Variants in NSUN2 observed in about 807,000 individuals in gnomAD.
The protein encoded by NSUN2 is NOP2/Sun RNA methyltransferase 2.
Under a neutral mutation model 92.7 loss-of-function variants are expected in NSUN2, and 63 were observed. The observed-to-expected ratio is 0.68, with a 90% confidence interval of 0.56 to 0.84. The LOEUF is 0.84. Among genes scored for constraint, NSUN2 ranks in the 40% least tolerant of loss-of-function variants. The probability of loss-of-function intolerance (pLI) is 0.00; values close to 1 mark genes in which losing one functional copy is unlikely to be tolerated. For missense variants in NSUN2, 989 were observed against 964.9 expected, an observed-to-expected ratio of 1.02 and a Z score of -0.33; for synonymous variants, 356 against 348.3, an observed-to-expected ratio of 1.02 and a Z score of -0.25.
intron 6 of NSUN2, chr5:6,621,177 A>G (rs1430088214): frequency 1.3e-5 from 2 of 152,146 alleles, no homozygotes; most frequent in African/African-American, 4.8e-5. Flanking sequence ...TGGTGTCACT[A>G]TAACAGCTAA....
chr5:6,609,876 C>A lies in NSUN2; in HGVS notation c.1273G>T (p.Ala425Ser). 6.2e-7 allele frequency: 1 copy of A among 1,613,608 alleles called. No homozygotes were observed. Among genetic ancestry groups the A allele is most frequent in the Non-Finnish European group, 8.5e-7 (1 of 1,179,804 alleles). The stretch of plus-strand genomic sequence containing the variant: ...ATTGAAGATTTTTTCACCAATACTG[C>A]CACAAAAAACCCTCCAGTATTCTGA... ...HHQNTGGFFVAVLVKKSSMPW... is the reference protein window; with the variant it reads ...HHQNTGGFFVSVLVKKSSMPW... The change falls in exon 12 of 19, where the codon GCA becomes TCA. Residue 425 changes from alanine (A) to serine (S), a missense_variant. Ala to Ser is a moderately conservative substitution (Grantham distance 99). Coordinates refer to ENST00000264670, the MANE Select transcript of NSUN2 (RefSeq NM_017755.6).
At chr5:6,603,667 G>T (rs969468846) in intron 17 of NSUN2, among the ~76,000 whole-genome samples, 1 of 152,196 alleles carries the variant, frequency 6.6e-6, no homozygotes, top group Non-Finnish European at 1.5e-5. Context: ...TCCAGCCTGG[G>T]TGACAGAGCG....
chr5:6,600,234 T>C lies in NSUN2; in HGVS notation c.1998-2A>G. 1 of 1,610,398 alleles carries C rather than the reference T, an allele frequency of 6.2e-7. No individual in the cohort carries two copies. Among genetic ancestry groups the C allele is most frequent in the Non-Finnish European group, 8.5e-7 (1 of 1,177,298 alleles). ...GGACACTGCAGAGCGTCTGGATTCC[T>C]ACAAGTGAAAGTGGCTTCATGTAGA... On this transcript the variant is annotated splice_acceptor_variant, in intron 18 of 18. Coordinates refer to ENST00000264670, the MANE Select transcript of NSUN2 (RefSeq NM_017755.6). LOFTEE classifies it high-confidence loss of function.
intron 14 of NSUN2, among the ~76,000 whole-genome samples, chr5:6,606,472 A>G (rs993015309): frequency 4.6e-5 from 7 of 152,164 alleles, no homozygotes; most frequent in Admixed American, 6.5e-5. Flanking sequence ...TTTTTAGTAG[A>G]GACGGGGTTT....
intron 9 of NSUN2, among the ~76,000 whole-genome samples, chr5:6,616,244 A>G (rs1314760140): frequency 1.3e-5 from 2 of 152,268 alleles, no homozygotes; most frequent in Non-Finnish European, 2.9e-5. Context: ...AAAAAGTGGA[A>G]GAAACCCAGA....
rs137864923 is a variant in NSUN2, at chr5:6,601,009, T to C, written c.1998-777A>G. Among the ~76,000 whole-genome samples, 7 of 151,662 alleles carry C rather than the reference T, an allele frequency of 4.6e-5. No homozygotes were observed. The East Asian group carries it at 5.8e-4, about 13-fold the overall frequency. ...CCTGCACACGCCCTCTCTCAACTTATCTGATTTCTTTCATACGGGACTCTG... is the reference window on the plus strand; with the variant it reads ...CCTGCACACGCCCTCTCTCAACTTACCTGATTTCTTTCATACGGGACTCTG... On this transcript the variant is annotated intron_variant, in intron 18 of 18. Coordinates refer to ENST00000264670, the MANE Select transcript of NSUN2 (RefSeq NM_017755.6).
Position 6,612,782 on chromosome 5 carries a change from A to G in NSUN2, c.1022-984T>C, listed in dbSNP as rs111987988. On this transcript the variant is annotated intron_variant, in intron 9 of 18. Transcript: ENST00000264670. ...GGCAAACATGCGGGCTTCTCCATCA[A>G]ACACTGTCCAGGGGCTTCACAGATG... Among the ~76,000 whole-genome samples, 1,266 of 152,274 alleles carry G rather than the reference A, an allele frequency of 8.3e-3. 6 individuals are homozygous for G. The highest frequency in any genetic ancestry group is 0.012 in the Non-Finnish European group (790 of 68,020).
At chr5:6,603,996 C>T in intron 17 of NSUN2, 142 bp downstream of exon 17, 1 of 756,776 alleles carries the variant, frequency 1.3e-6, no homozygotes, top group South Asian at 1.8e-5. Context: ...CAGGGATCTA[C>T]AGAACCCTCT....
chr5:6,622,157 T>TAA, intron 5 of NSUN2, 57 bp from the exon 6 acceptor site: 1 of 1,360,438 alleles, frequency 7.4e-7, no homozygotes, highest in East Asian at 2.3e-5. Flanking sequence ...ATTCTACATT[T>TAA]AATTTAAAGC....
intron 9 of NSUN2, 31 bp downstream of exon 9, chr5:6,616,696 T>C: frequency 1.6e-6 from 2 of 1,262,644 alleles, no homozygotes; most frequent in Non-Finnish European, 2.0e-6. Context: ...CCCCCTATGC[T>C]GTTAATAAAA....
intron 3 of NSUN2, among the ~76,000 whole-genome samples, chr5:6,628,550 C>T (rs1032429849): frequency 2.6e-5 from 4 of 152,132 alleles, no homozygotes; most frequent in African/African-American, 7.2e-5. Context: ...TTTCAAAAAA[C>T]GTTTTCCTAA....
intron 6 of NSUN2, chr5:6,620,583 G>C (rs1003207580): frequency 5.2e-5 from 14 of 271,016 alleles, no homozygotes; most frequent in Non-Finnish European, 8.2e-5. Context: ...TCTGTTATTA[G>C]TAACGATTAA....
At chr5:6,602,646 T>C (rs1736604495) in intron 17 of NSUN2, 146 bp from the exon 18 acceptor site, 3 of 831,792 alleles carry the variant, frequency 3.6e-6, no homozygotes, top group Non-Finnish European at 6.1e-6. Flanking sequence ...AGGATCTAGA[T>C]GGTGAAAAGA....
At position 6,625,681 on chromosome 5, in the gene NSUN2, G is replaced by C. The variant is rs1276113531; in HGVS notation, c.360-12C>G. 1 of 1,587,106 alleles carries C rather than the reference G, an allele frequency of 6.3e-7. No homozygotes were observed. Among genetic ancestry groups the C allele is most frequent in the Non-Finnish European group, 8.7e-7 (1 of 1,155,586 alleles). On this transcript the variant is annotated splice_polypyrimidine_tract_variant and intron_variant, in intron 3 of 18. Transcript: ENST00000264670. Reference sequence around the variant, plus strand: ...GTTCTTCAGGATACCTGACCAAAAAGAAAGCAAAACATTTATGGATTATAA... The same window carrying C: ...GTTCTTCAGGATACCTGACCAAAAACAAAGCAAAACATTTATGGATTATAA...
rs756555819 is a variant in NSUN2 at position 6,612,011 on chromosome 5, T to C, written c.1022-213A>G. Among the ~76,000 whole-genome samples the C allele has an allele frequency of 7.2e-4, 109 of 152,112 alleles. 2 individuals carry two copies. The highest frequency in any genetic ancestry group is 1.5e-4 in the Non-Finnish European group (10 of 67,998). Reference sequence around the variant, plus strand: ...CAGCTGGAATGGGGAGCAAGTGCTGTTGGGCAGGAAAGGTCTGCTAGGGTG... The same window carrying C: ...CAGCTGGAATGGGGAGCAAGTGCTGCTGGGCAGGAAAGGTCTGCTAGGGTG... On this transcript the variant is annotated intron_variant, in intron 9 of 18. Coordinates refer to ENST00000264670, the MANE Select transcript of NSUN2 (RefSeq NM_017755.6).
chr5:6,604,774 C>T (rs1010018504), intron 15 of NSUN2, 89 bp from the exon 16 acceptor site: 22 of 1,089,468 alleles, frequency 2.0e-5, no homozygotes, highest in East Asian at 4.8e-5. Flanking sequence ...GCAACCGTCA[C>T]GGAATGGGAA....
At position 6,604,644 on chromosome 5, in the gene NSUN2, G is replaced by A. The variant is rs146819725; in HGVS notation, c.1779C>T (p.Ser593=). The A allele has an allele frequency of 1.0e-4, 168 of 1,613,752 alleles. No homozygotes were observed. Among genetic ancestry groups the A allele is most frequent in the Non-Finnish European group, 1.3e-4 (154 of 1,179,936 alleles). Residue 593 remains serine, a synonymous_variant, in exon 16 of 19, where the codon AGC becomes AGT. Coordinates refer to ENST00000264670, the MANE Select transcript of NSUN2 (RefSeq NM_017755.6). ...GGAAAGCACAGTCAAACTCTTCACC[G>A]CTGTTATTTCTACACCAGACTTTGA... The part of the protein sequence containing the change: ...TGIKVWCRNN[S]GEEFDCAFRL...
chr5:6,605,287 T>C lies in NSUN2; in HGVS notation c.1723A>G (p.Ser575Gly), dbSNP rs771118967. ...GCGGCTGGCACCTTCATCTTCTCAC[T>C]GTTATTCAGCAGCACATTCCGCAAC... Reference protein sequence around the residue: ...KELRNVLLNNSEKMKVINTGI... With the variant: ...KELRNVLLNNGEKMKVINTGI... Residue 575 changes from serine to glycine, a missense_variant, in exon 15 of 19, where the codon AGT (serine) becomes GGT (glycine). Transcript: ENST00000264670. The C allele has an allele frequency of 6.2e-7, 1 of 1,614,184 alleles. No individual in the cohort carries two copies. Among genetic ancestry groups the C allele is most frequent in the Admixed American group, 1.7e-5 (1 of 60,030 alleles).
intron 5 of NSUN2, among the ~76,000 whole-genome samples, chr5:6,622,455 C>T (rs1037982102): frequency 6.6e-6 from 1 of 152,238 alleles, no homozygotes; most frequent in African/African-American, 2.4e-5. Flanking sequence ...TCAAGTACTT[C>T]TCCTTGCTTC....
Sources: allele counts gnomAD v4.1 joint callset (sites outside exome capture counted in the v4.1 genomes callset), GRCh38; gene constraint gnomAD v4.1.1; transcripts MANE v1.5; gene names NCBI Gene and HGNC (gene_info 2026-07-23, HGNC 2026-07-21).